Variants in CTBP2 observed in about 807,000 individuals in gnomAD.
The protein encoded by CTBP2 is C-terminal-binding protein 2.
CTBP2 carries 30 observed loss-of-function variants against 80.3 expected under a neutral mutation model. The observed-to-expected ratio is 0.37, with a 90% CI of 0.28 to 0.51. CTBP2 has a LOEUF of 0.51. Among genes scored for constraint, CTBP2 ranks in the 20% least tolerant of loss-of-function variants. The probability of loss-of-function intolerance (pLI) is 0.93; values close to 1 mark genes in which losing one functional copy is unlikely to be tolerated. For missense variants in CTBP2, 1,212 were observed against 1,375.3 expected, an observed-to-expected ratio of 0.88 and a Z score of 1.88; for synonymous variants, 594 against 587.4, an observed-to-expected ratio of 1.01 and a Z score of -0.16.
At chr10:125,046,963 CAGAA>C (rs1488406911) in intron 2 of CTBP2, among the ~76,000 whole-genome samples, 1 of 152,142 alleles carries the variant, frequency 6.6e-6, no homozygotes, top group Non-Finnish European at 1.5e-5. Flanking sequence ...AAGACTTGAG[CAGAA>C]AGAATTTGTG....
At chr10:124,994,034 G>A (rs1953102423) in intron 5 of CTBP2, 49 bp from the exon 8 acceptor site, 14 of 1,610,338 alleles carry the variant, frequency 8.7e-6, no homozygotes, top group Non-Finnish European at 1.2e-5. Flanking sequence ...CATGGTGGAA[G>A]ACTCTTGTAC....
intron 2 of CTBP2, among the ~76,000 whole-genome samples, chr10:125,074,312 A>C (rs1482845465): frequency 6.6e-6 from 1 of 152,230 alleles, no homozygotes; most frequent in African/African-American, 2.4e-5. Flanking sequence ...TGCACCATGA[A>C]GACCTAGCTG....
At chr10:125,139,374 C>CA (rs33963277) in intron 1 of CTBP2, among the ~76,000 whole-genome samples, 4,035 of 96,106 alleles carry the variant, frequency 0.042, 213 homozygotes, top group African/African-American at 0.12. Context: ...TAGACTGTCT[C>CA]AAAAAAAAAA....
At chr10:125,009,734 A>G (rs1955655936) in intron 1 of CTBP2, among the ~76,000 whole-genome samples, 1 of 152,216 alleles carries the variant, frequency 6.6e-6, no homozygotes, top group South Asian at 2.1e-4. Flanking sequence ...TGATGCTGGG[A>G]CGTACGCAAG....
At chr10:125,016,280 C>G (rs1956477134) in intron 1 of CTBP2, among the ~76,000 whole-genome samples, 1 of 152,166 alleles carries the variant, frequency 6.6e-6, no homozygotes, top group African/African-American at 2.4e-5. Context: ...AGTGCCACTG[C>G]CAAGTTCCAG....
intron 2 of CTBP2, among the ~76,000 whole-genome samples, chr10:125,041,211 G>C (rs932751556): frequency 1.3e-5 from 2 of 152,176 alleles, no homozygotes; most frequent in Non-Finnish European, 2.9e-5. Context: ...CTCCTTAATA[G>C]GTGGTACTAC....
intron 1 of CTBP2, among the ~76,000 whole-genome samples, chr10:125,155,078 C>T (rs1206350665): frequency 6.6e-6 from 1 of 152,216 alleles, no homozygotes; most frequent in Non-Finnish European, 1.5e-5. Context: ...CCTTGAGGAA[C>T]TCTTACTATC....
At chr10:125,036,100 C>T (rs75383642) in intron 3 of CTBP2, among the ~76,000 whole-genome samples, 2,754 of 152,294 alleles carry the variant, frequency 0.018, 104 homozygotes, top group African/African-American at 0.064. Flanking sequence ...TCCTGCTCTC[C>T]GAGTAGAGAC....
upstream of CTBP2, among the ~76,000 whole-genome samples, chr10:125,028,854 G>C (rs950216826): frequency 1.2e-4 from 18 of 152,198 alleles, no homozygotes; most frequent in African/African-American, 4.1e-4. Flanking sequence ...TATTCACATG[G>C]ATTAAGCTTT....
At chr10:125,069,121 A>T (rs1845076173) in intron 2 of CTBP2, among the ~76,000 whole-genome samples, 1 of 152,124 alleles carries the variant, frequency 6.6e-6, no homozygotes, top group South Asian at 2.1e-4. Context: ...TCTCAGGACC[A>T]AGGGTTTCCT....
chr10:125,157,156 A>G (rs985332362), intron 1 of CTBP2, among the ~76,000 whole-genome samples: 2 of 152,244 alleles, frequency 1.3e-5, no homozygotes. Context: ...GGAATTGATG[A>G]TTCAGTTCCA....
intron 1 of CTBP2, among the ~76,000 whole-genome samples, chr10:125,114,164 C>A (rs1852779173): frequency 6.6e-6 from 1 of 152,164 alleles, no homozygotes; most frequent in African/African-American, 2.4e-5. Flanking sequence ...TGATTAAAAT[C>A]ACCACTACTT....
chr10:125,081,331 T>C (rs1847138661), intron 2 of CTBP2, among the ~76,000 whole-genome samples: 1 of 152,240 alleles, frequency 6.6e-6, no homozygotes, highest in Non-Finnish European at 1.5e-5. Context: ...AGGATCTTAT[T>C]GGGACTACTG....
At chr10:125,117,080 G>T (rs1853453734) in intron 1 of CTBP2, among the ~76,000 whole-genome samples, 1 of 152,188 alleles carries the variant, frequency 6.6e-6, no homozygotes, top group African/African-American at 2.4e-5. Context: ...GCAGTCTCTG[G>T]CCACCTGTGT....
At chr10:125,142,732 T>C (rs534088994) in intron 1 of CTBP2, among the ~76,000 whole-genome samples, 141 of 152,226 alleles carry the variant, frequency 9.3e-4, no homozygotes, top group African/African-American at 2.9e-3. Flanking sequence ...CCAAGAGCTT[T>C]GCAACTGAGG....
At chr10:125,153,594 C>T (rs1860392737) in intron 1 of CTBP2, among the ~76,000 whole-genome samples, 1 of 152,176 alleles carries the variant, frequency 6.6e-6, no homozygotes, top group African/African-American at 2.4e-5. Context: ...CCCTCTCCAC[C>T]CTCCCGCTGC....
chr10:125,102,840 C>G (rs1850843841), intron 2 of CTBP2, among the ~76,000 whole-genome samples: 1 of 152,208 alleles, frequency 6.6e-6, no homozygotes, highest in South Asian at 2.1e-4. Flanking sequence ...GGGACCCAGG[C>G]CTACAGGACT....
At chr10:125,095,406 G>C (rs187154048) in intron 2 of CTBP2, among the ~76,000 whole-genome samples, 22 of 152,260 alleles carry the variant, frequency 1.4e-4, no homozygotes, top group African/African-American at 5.3e-4. Context: ...GCTTCCAAGG[G>C]ATGTGGTCAA....
In CTBP2 at chr10:124,989,680, C is replaced by T; in HGVS notation, c.2796G>A (p.Val932=). 2 of 1,586,780 alleles carry T rather than the reference C, an allele frequency of 1.3e-6. No homozygotes were observed. The highest frequency in any genetic ancestry group is 1.7e-6 in the Non-Finnish European group (2 of 1,165,734). Residue 932 remains valine, a synonymous_variant, in exon 9 of 9, where the codon GTG becomes GTA. Coordinates refer to ENST00000309035, the MANE Select transcript of CTBP2 (RefSeq NM_022802.3). ...CAGGAAGTCCTCCTGGAGCCACACC[C>T]ACGATGCCTGGCGGATATCTAAGGA... is the stretch of plus-strand genomic sequence containing the variant.
Sources: gnomAD v4.1 joint callset for allele counts (sites outside exome capture counted in the v4.1 genomes callset) on GRCh38, gnomAD v4.1.1 for gene constraint, MANE v1.5 for transcripts, NCBI Gene and HGNC (gene_info 2026-07-23, HGNC 2026-07-21) for gene names.